Variants in CDYL observed in about 807,000 individuals in gnomAD.
CDYL encodes chromodomain Y-like protein.
A neutral mutation model predicts 47.3 loss-of-function variants in CDYL; 8 were observed. The ratio of observed to expected loss-of-function variants is 0.17; its 90% CI spans 0.10 to 0.31. The LOEUF is 0.31. Among genes scored for constraint, CDYL ranks in the 10% least tolerant of loss-of-function variants. The pLI, the probability that CDYL is intolerant of heterozygous loss-of-function variation, is 1.00. For missense variants in CDYL, 471 were observed against 701.4 expected, an observed-to-expected ratio of 0.67 and a Z score of 3.71; for synonymous variants, 266 against 265.0, an observed-to-expected ratio of 1.00 and a Z score of -0.04.
At chr6:4,724,264 T>G (rs997929931) in intron 2 of CDYL, 4 of 152,124 alleles carry the variant, frequency 2.6e-5, no homozygotes, top group African/African-American at 9.7e-5. Flanking sequence ...TTGGCCCGGC[T>G]GGTCTCAAAC....
At chr6:4,731,943 A>G (rs1282521522) in intron 2 of CDYL, among the ~76,000 whole-genome samples, 1 of 152,248 alleles carries the variant, frequency 6.6e-6, no homozygotes, top group Non-Finnish European at 1.5e-5. Flanking sequence ...TGTCAATTAC[A>G]TGAGGTCATT....
chr6:4,944,388 G>T (rs909460444), intron 5 of CDYL, among the ~76,000 whole-genome samples: 1 of 152,212 alleles, frequency 6.6e-6, no homozygotes, highest in African/African-American at 2.4e-5. Context: ...AGAGGAAGAG[G>T]TCAAAGTGAT....
intron 1 of CDYL, among the ~76,000 whole-genome samples, chr6:4,834,439 A>T (rs1760235254): frequency 6.7e-6 from 1 of 149,960 alleles, no homozygotes; most frequent in East Asian, 1.9e-4. Context: ...CTGCCGAGAG[A>T]TCCGCTGTTA....
At chr6:4,823,312 AAACAT>A (rs977141825) in intron 1 of CDYL, among the ~76,000 whole-genome samples, 4 of 152,200 alleles carry the variant, frequency 2.6e-5, no homozygotes, top group African/African-American at 9.7e-5. Flanking sequence ...ATGTATACTT[AAACAT>A]AACATACCTA....
At chr6:4,830,316 G>A (rs1295169399) in intron 1 of CDYL, among the ~76,000 whole-genome samples, 2 of 152,172 alleles carry the variant, frequency 1.3e-5, no homozygotes, top group East Asian at 3.8e-4. Flanking sequence ...TCATCTGGTG[G>A]ACCACTAGGA....
intron 2 of CDYL, among the ~76,000 whole-genome samples, chr6:4,729,797 G>T (rs1024460174): frequency 4.6e-5 from 7 of 152,100 alleles, no homozygotes; most frequent in Non-Finnish European, 1.0e-4. Flanking sequence ...GCATGTATGT[G>T]GTCCCAGCTA....
At chr6:4,814,973 C>T (rs1349694586) in intron 1 of CDYL, among the ~76,000 whole-genome samples, 1 of 152,172 alleles carries the variant, frequency 6.6e-6, no homozygotes, top group Non-Finnish European at 1.5e-5. Flanking sequence ...GTCTGCCAGT[C>T]CCTTGGTAAC....
intron 3 of CDYL, among the ~76,000 whole-genome samples, chr6:4,766,239 C>T (rs1228400638): frequency 1.3e-5 from 2 of 152,000 alleles, no homozygotes; most frequent in Non-Finnish European, 2.9e-5. Context: ...GATGGAGTTT[C>T]ACTCTTGTTG....
At chr6:4,706,514 C>T (rs879919967) in intron 1 of CDYL, among the ~76,000 whole-genome samples, 108 of 151,960 alleles carry the variant, frequency 7.1e-4, no homozygotes, top group African/African-American at 2.1e-3. Flanking sequence ...ACAATTAGGC[C>T]GGGTATGGTG....
chr6:4,933,463 G>C (rs1758091420), intron 2 of CDYL, among the ~76,000 whole-genome samples: 1 of 152,126 alleles, frequency 6.6e-6, no homozygotes. Context: ...TCCTGGCCAT[G>C]TGGACTCTGG....
At chr6:4,925,582 AT>A (rs1214355558) in intron 2 of CDYL, among the ~76,000 whole-genome samples, 3 of 151,430 alleles carry the variant, frequency 2.0e-5, no homozygotes, top group Admixed American at 1.3e-4. Flanking sequence ...CACTCGGCTA[AT>A]TTTTTTGTAT....
intron 2 of CDYL, among the ~76,000 whole-genome samples, chr6:4,724,225 T>C (rs979217782): frequency 3.6e-4 from 55 of 152,238 alleles, no homozygotes; most frequent in African/African-American, 1.3e-3. Context: ...ATTTTTTTTT[T>C]TTAAGTAGAG....
At chr6:4,764,249 A>G (rs565182526) in intron 3 of CDYL, among the ~76,000 whole-genome samples, 1 of 152,298 alleles carries the variant, frequency 6.6e-6, no homozygotes, top group Admixed American at 6.5e-5. Flanking sequence ...TTTAGCTATC[A>G]TACAAACACA....
chr6:4,830,156 G>A (rs1276865375), intron 1 of CDYL, among the ~76,000 whole-genome samples: 5 of 152,246 alleles, frequency 3.3e-5, no homozygotes, highest in South Asian at 2.1e-4. Context: ...CAAGGTGTGC[G>A]TAAGCACCAT....
At chr6:4,943,869 T>C (rs898072090) in intron 5 of CDYL, 113 bp downstream of exon 5, 16 of 764,826 alleles carry the variant, frequency 2.1e-5, no homozygotes, top group Non-Finnish European at 3.0e-5. Flanking sequence ...CTGTGGGGAC[T>C]TTCCATCTTG....
intron 2 of CDYL, among the ~76,000 whole-genome samples, chr6:4,895,369 GCATGTATGTATA>G (rs1762225453): frequency 2.4e-4 from 1 of 4,110 alleles, no homozygotes; most frequent in African/African-American, 2.8e-4. Flanking sequence ...GTGCATATAT[GCATGTATGTATA>G]TATGTGCATA....
intron 2 of CDYL, among the ~76,000 whole-genome samples, chr6:4,729,273 G>C (rs983893534): frequency 6.6e-6 from 1 of 152,078 alleles, no homozygotes; most frequent in Non-Finnish European, 1.5e-5. Context: ...GTCCTAAAGA[G>C]GCCCTACAGC....
intron 2 of CDYL, among the ~76,000 whole-genome samples, chr6:4,933,515 G>A (rs1750817241): frequency 6.6e-6 from 1 of 152,204 alleles, no homozygotes; most frequent in Admixed American, 6.5e-5. Flanking sequence ...CAGAGGGAGA[G>A]GTGAAGACAG....
intron 2 of CDYL, among the ~76,000 whole-genome samples, chr6:4,722,729 T>C (rs1414806670): frequency 6.6e-6 from 1 of 152,046 alleles, no homozygotes; most frequent in Non-Finnish European, 1.5e-5. Context: ...ATACAAAAAT[T>C]AGCTGGATGT....
Sources: gnomAD v4.1 joint callset for allele counts (sites outside exome capture counted in the v4.1 genomes callset) on GRCh38, gnomAD v4.1.1 for gene constraint, MANE v1.5 for transcripts, NCBI Gene and HGNC (gene_info 2026-07-23, HGNC 2026-07-21) for gene names.